Variants in ZNF410 observed in about 807,000 individuals in gnomAD.
ZNF410 encodes another partner for ARF 1.
ZNF410 carries 18 observed loss-of-function variants against 54.8 expected under a neutral mutation model. The ratio of observed to expected loss-of-function variants is 0.33; its 90% CI spans 0.23 to 0.49. The LOEUF (loss-of-function observed/expected upper bound fraction) is 0.49. Among genes scored for constraint, ZNF410 ranks in the 20% least tolerant of loss-of-function variants. The pLI, the probability that ZNF410 is intolerant of heterozygous loss-of-function variation, is 0.99. For synonymous variants in ZNF410, 191 were observed against 207.3 expected, an observed-to-expected ratio of 0.92 and a Z score of 0.68; for missense variants, 405 against 569.6, an observed-to-expected ratio of 0.71 and a Z score of 2.94.
At chr14:73,931,414 A>T in intron 11 of ZNF410, 89 bp from the exon 12 acceptor site, 2 of 1,178,510 alleles carry the variant, frequency 1.7e-6, no homozygotes, top group African/African-American at 1.5e-5. Context: ...TGCATTCTCC[A>T]TCCTCCACTC....
intron 7 of ZNF410, 114 bp from the exon 8 acceptor site, chr14:73,909,227 A>C (rs2055538555): frequency 1.2e-6 from 1 of 850,376 alleles, no homozygotes; most frequent in African/African-American, 1.7e-5. Flanking sequence ...AACATGAATT[A>C]AATAAATCAG....
At position 73,930,891 on chromosome 14, in the gene ZNF410, G is replaced by A. The variant is rs1318918367; in HGVS notation, c.1399-612G>A. On this transcript the variant is annotated intron_variant, in intron 11 of 11. Coordinates refer to ENST00000555044, the MANE Select transcript of ZNF410 (RefSeq NM_021188.3). ...GCTGGGATTACAGATGTGAGCCACT[G>A]CACCCAGCCTCATTTTGTTTTTATA... 3.9e-5 allele frequency among the ~76,000 whole-genome samples: 6 copies of A among 152,316 alleles called. No homozygotes were observed. The East Asian group carries it at 1.2e-3, about 29-fold the overall frequency.
intron 8 of ZNF410, among the ~76,000 whole-genome samples, chr14:73,919,125 C>T (rs990433874): frequency 6.8e-6 from 1 of 147,526 alleles, no homozygotes; most frequent in Non-Finnish European, 1.5e-5. Flanking sequence ...CCTGCCTCAA[C>T]CTCCCAAGCA....
At chr14:73,887,220 G>T (rs2055155662) in intron 1 of ZNF410, 1 of 152,390 alleles carries the variant, frequency 6.6e-6, no homozygotes, top group Non-Finnish European at 1.5e-5. Flanking sequence ...CGGGGCGGGG[G>T]CTCTTGGACT....
At position 73,922,122 on chromosome 14, in the gene ZNF410, C is replaced by T; in HGVS notation, c.1186C>T (p.Leu396=). ...AGAGGCTTCAGTACCCAGTAAAAACCTGGTGTCTATGAATTCCCAGCCCAG... is the reference window on the plus strand; with the variant it reads ...AGAGGCTTCAGTACCCAGTAAAAACTTGGTGTCTATGAATTCCCAGCCCAG... ...LEEASVPSKN[L]VSMNSQPSLG... The change falls in exon 10 of 12, where the codon CTG becomes TTG. Residue 396 remains leucine (L), a synonymous_variant. Coordinates refer to ENST00000555044, the MANE Select transcript of ZNF410 (RefSeq NM_021188.3). The T allele has an allele frequency of 6.2e-7, 1 of 1,614,114 alleles. No homozygotes were observed. Among genetic ancestry groups the T allele is most frequent in the Non-Finnish European group, 8.5e-7 (1 of 1,180,026 alleles).
intron 11 of ZNF410, among the ~76,000 whole-genome samples, chr14:73,931,112 C>T (rs1034132869): frequency 6.6e-6 from 1 of 152,122 alleles, no homozygotes; most frequent in Non-Finnish European, 1.5e-5. Context: ...AGCTCCTCTT[C>T]CTATTTCCTT....
At chr14:73,916,954 T>G (rs2055676781) in intron 8 of ZNF410, 1 of 133,142 alleles carries the variant, frequency 7.5e-6, no homozygotes, top group Non-Finnish European at 1.8e-5. Context: ...CACTCCAGCC[T>G]GGGAAACAGA....
intron 8 of ZNF410, among the ~76,000 whole-genome samples, chr14:73,918,740 C>T (rs1482498392): frequency 7.4e-6 from 1 of 135,884 alleles, no homozygotes; most frequent in East Asian, 2.2e-4. Flanking sequence ...TTGCTGTCTC[C>T]CAGGCTGGAG....
Position 73,892,049 on chromosome 14 carries a change from T to A in ZNF410, c.-127T>A. On this transcript the variant is annotated 5_prime_UTR_variant, in exon 2 of 12. Coordinates refer to ENST00000555044, the MANE Select transcript of ZNF410 (RefSeq NM_021188.3). ...TAGGTTACATTGATTACCCACCTAG[T>A]ACAACATCTTACGGGAAGAGCATAG... 4.6e-6 allele frequency: 5 copies of A among 1,077,742 alleles called. No individual in the cohort carries two copies. The highest frequency in any genetic ancestry group is 7.2e-6 in the Non-Finnish European group (5 of 692,930). The allele number at this position is 1,077,742 out of a possible 1,614,324, so 66.8% of individuals were successfully genotyped here.
chr14:73,908,788 T>A (rs1275287149), intron 7 of ZNF410, among the ~76,000 whole-genome samples: 1 of 152,192 alleles, frequency 6.6e-6, no homozygotes, highest in African/African-American at 2.4e-5. Context: ...CATTTGTCTG[T>A]CTCACACTAG....
chr14:73,916,265 T>C (rs2055665917), intron 8 of ZNF410: 1 of 152,192 alleles, frequency 6.6e-6, no homozygotes, highest in South Asian at 2.1e-4. Flanking sequence ...GTAATTATAC[T>C]GGCCTCCCTG....
rs760386295 is a variant in ZNF410 at position 73,922,073 on chromosome 14, A to G, written c.1137A>G (p.Pro379=). The change falls in exon 10 of 12, where the codon CCA becomes CCG. Residue 379 remains proline (P), a synonymous_variant. Coordinates refer to ENST00000555044, the MANE Select transcript of ZNF410 (RefSeq NM_021188.3). ...GSQEQEQTAE[P]LMGSSLLEEA... ...AACCTATTCTCTGTGCAGCTGAGCC[A>G]CTAATGGGCAGTAGTTTGCTTGAAG... 6.2e-7 allele frequency: 1 copy of G among 1,614,080 alleles called. No individual in the cohort carries two copies. The highest frequency in any genetic ancestry group is 1.1e-5 in the South Asian group (1 of 91,078).
intron 7 of ZNF410, chr14:73,906,463 T>A (rs2055492274): frequency 2.0e-5 from 3 of 152,152 alleles, no homozygotes; most frequent in Admixed American, 2.0e-4. Flanking sequence ...GAACATCATC[T>A]TAAAATGCTT....
chr14:73,893,719 T>G, intron 2 of ZNF410, 78 bp from the exon 3 acceptor site: 1 of 1,499,378 alleles, frequency 6.7e-7, no homozygotes, highest in Non-Finnish European at 8.9e-7. Context: ...AGTCTTAATA[T>G]TATCTTTTGG....
chr14:73,891,916 T>C lies in ZNF410; in HGVS notation c.-149-111T>C, dbSNP rs530474265. On this transcript the variant is annotated intron_variant, in intron 1 of 11. Transcript: ENST00000555044. The stretch of plus-strand genomic sequence containing the variant: ...AAGAAGTGTTTCGGTTTGAATTCTT[T>C]ATTTGCTTGCTTGTTGTGATTTTTT... 40 of 611,242 alleles carry C rather than the reference T, an allele frequency of 6.5e-5. No individual in the cohort carries two copies. The East Asian group carries it at 1.2e-3, about 18-fold the overall frequency. 37.9% of individuals were successfully genotyped at this position (611,242 alleles called of 1,614,324 possible).
chr14:73,924,234 C>G (rs1024088276), intron 11 of ZNF410, among the ~76,000 whole-genome samples: 3 of 152,078 alleles, frequency 2.0e-5, no homozygotes, highest in African/African-American at 7.2e-5. Flanking sequence ...AACCTAGATC[C>G]CTCAAATACA....
In ZNF410 at chr14:73,921,046, A is replaced by G; in HGVS notation, c.1070A>G (p.His357Arg). ...TFSQSGSRNV[H>R]MRKHHLQLGA... ...TCTCAGAGTGGAAGCAGGAATGTGC[A>G]TATGAGAAAGCATCACCTGCAGCTG... The change falls in exon 9 of 12, where the codon CAT becomes CGT. Residue 357 changes from histidine (H) to arginine (R), a missense_variant. Physicochemically the swap from His to Arg is conservative, Grantham distance 29. Around this residue, in one of 3 missense-constraint regions of ZNF410, gnomAD observed 127 missense variants for 141.3 expected, o/e 0.90. Transcript: ENST00000555044. 6.2e-7 allele frequency: 1 copy of G among 1,613,894 alleles called. No individual in the cohort carries two copies. The highest frequency in any genetic ancestry group is 1.6e-4 in the Middle Eastern group (1 of 6,062).
intron 1 of ZNF410, among the ~76,000 whole-genome samples, chr14:73,890,796 T>A (rs1268845482): frequency 6.6e-6 from 1 of 152,094 alleles, no homozygotes; most frequent in African/African-American, 2.4e-5. Context: ...GCGGATCACC[T>A]GAAGTTGGGA....
intron 11 of ZNF410, among the ~76,000 whole-genome samples, chr14:73,931,107 C>T (rs2055906294): frequency 6.6e-6 from 1 of 152,130 alleles, no homozygotes; most frequent in Non-Finnish European, 1.5e-5. Context: ...GGAACAGCTC[C>T]TCTTCCTATT....
Sources: gnomAD v4.1 joint callset for allele counts (sites outside exome capture counted in the v4.1 genomes callset) on GRCh38, gnomAD v4.1.1 for gene constraint, gnomAD v4.1.1 regional missense constraint, MANE v1.5 for transcripts, NCBI Gene and HGNC (gene_info 2026-07-23, HGNC 2026-07-21) for gene names.